Variants in FSTL5 observed in about 807,000 individuals in gnomAD.
FSTL5 encodes the protein follistatin-related protein 5.
Under a neutral mutation model 89.1 loss-of-function variants are expected in FSTL5, and 62 were observed. The ratio of observed to expected loss-of-function variants is 0.70; its 90% CI spans 0.57 to 0.86. The LOEUF is 0.86. FSTL5 is among the 40% of genes least tolerant of loss of function. The pLI is 0.00. For synonymous variants in FSTL5, 383 were observed against 346.2 expected (o/e 1.11, Z -1.18); for missense variants, 1,057 against 1,001.6 (o/e 1.06, Z -0.75).
At chr4:161,561,034 A>G (rs1732577308) in intron 8 of FSTL5, among the ~76,000 whole-genome samples, 1 of 152,010 alleles carries the variant, frequency 6.6e-6, no homozygotes, top group Admixed American at 6.6e-5. Flanking sequence ...GCATCACCAC[A>G]GATGTGAGTA....
chr4:161,723,795 T>G (rs1739298719), intron 6 of FSTL5, among the ~76,000 whole-genome samples: 1 of 151,972 alleles, frequency 6.6e-6, no homozygotes, highest in South Asian at 2.1e-4. Flanking sequence ...GAACGAAACC[T>G]TAAAGAAAAC....
At chr4:161,714,797 G>A (rs1738920019) in intron 6 of FSTL5, among the ~76,000 whole-genome samples, 1 of 152,084 alleles carries the variant, frequency 6.6e-6, no homozygotes. Context: ...GAAGCAAAGA[G>A]GTGCAGCTGG....
intron 4 of FSTL5, among the ~76,000 whole-genome samples, chr4:161,897,918 TCTC>T (rs1364824431): frequency 6.6e-6 from 1 of 151,744 alleles, no homozygotes; most frequent in African/African-American, 2.4e-5. Context: ...GACCCAGTGA[TCTC>T]CTTACTGTCT....
chr4:161,832,504 T>G (rs1226971448), intron 4 of FSTL5, among the ~76,000 whole-genome samples: 4 of 152,200 alleles, frequency 2.6e-5, no homozygotes, highest in African/African-American at 9.6e-5. Flanking sequence ...TGAATCCATC[T>G]GGTCCTGGAC....
chr4:161,967,092 A>C (rs1000610712), intron 3 of FSTL5, among the ~76,000 whole-genome samples: 1 of 151,708 alleles, frequency 6.6e-6, no homozygotes, highest in East Asian at 1.9e-4. Flanking sequence ...AAAAAAAAAA[A>C]CTGTTTCATA....
intron 6 of FSTL5, among the ~76,000 whole-genome samples, chr4:161,717,447 A>G (rs1316784835): frequency 2.6e-5 from 4 of 152,176 alleles, no homozygotes; most frequent in Admixed American, 2.6e-4. Flanking sequence ...CAAAGTAGAT[A>G]GGGCCTGGAA....
intron 4 of FSTL5, among the ~76,000 whole-genome samples, chr4:161,836,305 G>C (rs1331445576): frequency 8.2e-6 from 1 of 121,842 alleles, no homozygotes; most frequent in African/African-American, 3.1e-5. Flanking sequence ...GGACTGTTGT[G>C]GGGTGGGGGG....
chr4:161,885,391 A>G (rs1489408798), intron 4 of FSTL5, among the ~76,000 whole-genome samples: 1 of 152,160 alleles, frequency 6.6e-6, no homozygotes, highest in Non-Finnish European at 1.5e-5. Flanking sequence ...GTGTGTATAC[A>G]AAGAAGTGTA....
intron 6 of FSTL5, among the ~76,000 whole-genome samples, chr4:161,670,181 A>G (rs1737050282): frequency 6.6e-6 from 1 of 152,202 alleles, no homozygotes. Context: ...TTGGGAAGAG[A>G]AATTGCATAT....
chr4:162,139,491 C>T (rs527877498), intron 1 of FSTL5, among the ~76,000 whole-genome samples: 1 of 151,780 alleles, frequency 6.6e-6, no homozygotes, highest in African/African-American at 2.4e-5. Flanking sequence ...CATACACATA[C>T]ACATATACAC....
chr4:162,048,694 G>C (rs1419503035), intron 2 of FSTL5, among the ~76,000 whole-genome samples: 1 of 151,900 alleles, frequency 6.6e-6, no homozygotes, highest in Non-Finnish European at 1.5e-5. Context: ...ATTTCAAGTA[G>C]AATAAAGTCA....
intron 3 of FSTL5, among the ~76,000 whole-genome samples, chr4:161,986,511 C>T (rs1735967693): frequency 6.6e-6 from 1 of 152,104 alleles, no homozygotes; most frequent in South Asian, 2.1e-4. Context: ...GAGATTGTGC[C>T]ACTGCACTCT....
In FSTL5 at chr4:162,151,555, T is replaced by C. The variant is rs533810826; in HGVS notation, c.-17+12060A>G. On this transcript the variant is annotated intron_variant, in intron 1 of 15. Transcript: ENST00000306100. ...TGACTATCACAGATTAATTTAAGCC[T>C]GCTGGTGCTTTACAGAAGTCTCTTG... 2.0e-5 allele frequency among the ~76,000 whole-genome samples: 3 copies of C among 152,336 alleles called. No individual in the cohort carries two copies. The South Asian group carries it at 6.2e-4, about 32-fold the overall frequency.
intron 4 of FSTL5, among the ~76,000 whole-genome samples, chr4:161,830,879 G>C (rs1048200692): frequency 6.6e-6 from 1 of 151,868 alleles, no homozygotes; most frequent in African/African-American, 2.4e-5. Flanking sequence ...GAATTAGAAC[G>C]TATTGCCATC....
intron 2 of FSTL5, among the ~76,000 whole-genome samples, chr4:162,094,872 T>C (rs1396928020): frequency 6.6e-6 from 1 of 152,158 alleles, no homozygotes; most frequent in African/African-American, 2.4e-5. Context: ...TTACTCTATA[T>C]TGCTTCAATT....
intron 6 of FSTL5, among the ~76,000 whole-genome samples, chr4:161,701,034 T>C (rs998517887): frequency 6.6e-5 from 10 of 152,214 alleles, no homozygotes; most frequent in Admixed American, 6.5e-4. Context: ...ATTCTTTATA[T>C]CTGAAATTAA....
intron 7 of FSTL5, among the ~76,000 whole-genome samples, chr4:161,646,939 A>G (rs181484272): frequency 3.3e-5 from 5 of 152,264 alleles, no homozygotes; most frequent in African/African-American, 1.2e-4. Flanking sequence ...TATTTTCTCT[A>G]CTTCCATACA....
chr4:161,831,293 A>G (rs1420669230), intron 4 of FSTL5, among the ~76,000 whole-genome samples: 1 of 151,976 alleles, frequency 6.6e-6, no homozygotes, highest in African/African-American at 2.4e-5. Context: ...ATTAATAGAT[A>G]TAATATAAAA....
intron 4 of FSTL5, among the ~76,000 whole-genome samples, chr4:161,776,496 T>G (rs1237709505): frequency 7.0e-6 from 1 of 143,414 alleles, no homozygotes; most frequent in East Asian, 2.0e-4. Flanking sequence ...AGGATTAGAT[T>G]GTGCTGGATT....
Sources: gnomAD v4.1 joint callset for allele counts (sites outside exome capture counted in the v4.1 genomes callset) on GRCh38, gnomAD v4.1.1 for gene constraint, MANE v1.5 for transcripts, NCBI Gene and HGNC (gene_info 2026-07-23, HGNC 2026-07-21) for gene names.